Variants in PDE10A observed in about 807,000 individuals in gnomAD.
PDE10A encodes the protein phosphodiesterase 10A, also known as cAMP and cAMP-inhibited cGMP 3',5'-cyclic phosphodiesterase 10A.
In PDE10A, 39 loss-of-function variants were observed where a neutral mutation model predicts 97.7. The observed-to-expected ratio is 0.40, with a 90% confidence interval of 0.31 to 0.52. PDE10A has a LOEUF of 0.52. Ranked by LOEUF, PDE10A falls within the 20% of genes least tolerant of loss-of-function variation. PDE10A has a pLI of 0.56. For missense variants in PDE10A, 731 were observed against 1,047.8 expected (o/e 0.70, Z 4.17); for synonymous variants, 371 against 376.8 (o/e 0.98, Z 0.18).
At chr6:165,768,526 T>G (rs1777923819) in intron 1 of PDE10A, among the ~76,000 whole-genome samples, 1 of 152,204 alleles carries the variant, frequency 6.6e-6, no homozygotes, top group Non-Finnish European at 1.5e-5. Flanking sequence ...TTCGCATTTA[T>G]AGGGAAATCA....
At chr6:165,884,193 T>C (rs763653969) in intron 1 of PDE10A, among the ~76,000 whole-genome samples, 5 of 152,146 alleles carry the variant, frequency 3.3e-5, no homozygotes, top group Non-Finnish European at 5.9e-5. Flanking sequence ...AATTGTGCTT[T>C]GGGGCACACG....
chr6:165,648,813 A>G (rs1789535870), intron 1 of PDE10A, among the ~76,000 whole-genome samples: 1 of 152,248 alleles, frequency 6.6e-6, no homozygotes, highest in African/African-American at 2.4e-5. Context: ...AAATTAAACT[A>G]GGGCAGTAAT....
At chr6:165,882,147 T>G (rs1466689934) in intron 1 of PDE10A, among the ~76,000 whole-genome samples, 1 of 152,196 alleles carries the variant, frequency 6.6e-6, no homozygotes, top group Non-Finnish European at 1.5e-5. Flanking sequence ...GCAGATTGAT[T>G]TCCACTCCAT....
Position 165,653,112 on chromosome 6 carries a change from A to C in PDE10A, c.865+8835T>G, listed in dbSNP as rs535504394. 5.3e-5 allele frequency among the ~76,000 whole-genome samples: 8 copies of C among 152,360 alleles called. No homozygotes were observed. The East Asian group carries it at 1.2e-3, about 22-fold the overall frequency. On this transcript the variant is annotated intron_variant, in intron 1 of 21. Coordinates refer to ENST00000539869, the MANE Select transcript of PDE10A (RefSeq NM_001385079.1). ...TCAAGTCATGCCAGTGAAATTTTAC[A>C]ATCACATTATGTATTTCATTATTTC...
intron 1 of PDE10A, among the ~76,000 whole-genome samples, chr6:165,973,874 C>T (rs988536779): frequency 1.3e-5 from 2 of 152,192 alleles, no homozygotes; most frequent in African/African-American, 4.8e-5. Context: ...TTTCTTTCTT[C>T]AATAACATGC....
chr6:165,824,254 A>G (rs1779661036), intron 1 of PDE10A, among the ~76,000 whole-genome samples: 1 of 152,226 alleles, frequency 6.6e-6, no homozygotes, highest in Non-Finnish European at 1.5e-5. Flanking sequence ...ACTTCTTAAT[A>G]GCCGTTCAGT....
At chr6:165,727,579 C>G (rs1243544456) in intron 1 of PDE10A, among the ~76,000 whole-genome samples, 1 of 152,212 alleles carries the variant, frequency 6.6e-6, no homozygotes, top group Non-Finnish European at 1.5e-5. Flanking sequence ...ACCAGCTCAC[C>G]AGTTCCTTCC....
In PDE10A at chr6:165,782,901, G is replaced by C. The variant is rs143177750; in HGVS notation, c.-615+204628C>G. On this transcript the variant is annotated intron_variant, in intron 1 of 19. Transcript: ENST00000366882. ...TGTGTGATTTTTTAAATGCTGCTGC[G>C]TATGAAGGAAAGAAGAAAAGCCACC... 2.0e-5 allele frequency among the ~76,000 whole-genome samples: 3 copies of C among 152,264 alleles called. No individual in the cohort carries two copies. The East Asian group carries it at 5.8e-4, about 29-fold the overall frequency.
intron 1 of PDE10A, among the ~76,000 whole-genome samples, chr6:165,967,748 C>A (rs368612433): frequency 1.6e-4 from 24 of 152,218 alleles, no homozygotes; most frequent in Admixed American, 1.4e-3. Flanking sequence ...TTTGAGATAG[C>A]CCTGTGATTG....
chr6:165,374,177 A>G (rs946112397), intron 18 of PDE10A, among the ~76,000 whole-genome samples: 27 of 151,502 alleles, frequency 1.8e-4, no homozygotes, highest in African/African-American at 6.1e-4. Flanking sequence ...ACATGTATAC[A>G]TATGTAACTA....
intron 2 of PDE10A, among the ~76,000 whole-genome samples, chr6:165,509,526 G>A (rs1217505657): frequency 1.3e-5 from 2 of 151,620 alleles, no homozygotes; most frequent in Non-Finnish European, 2.9e-5. Context: ...GATGCCTCCG[G>A]TGTTGTTCCT....
chr6:165,919,366 C>A (rs1294732388), intron 1 of PDE10A, among the ~76,000 whole-genome samples: 1 of 152,190 alleles, frequency 6.6e-6, no homozygotes, highest in Non-Finnish European at 1.5e-5. Flanking sequence ...CATGGCTGAG[C>A]TGCCCCAGGC....
In PDE10A at chr6:165,661,571, G is replaced by A. The variant is rs368230491; in HGVS notation, c.865+376C>T. On this transcript the variant is annotated intron_variant, in intron 1 of 21. Transcript: ENST00000539869. The surrounding 1 kb of genome is among the most constrained non-coding windows in gnomAD (Gnocchi z 4.8). The stretch of plus-strand genomic sequence containing the variant: ...AGCCAAGTGGCCACAGGCTCAAGAG[G>A]GAGGAACCTAAGTGGTCACAAAGTT... The A allele has an allele frequency of 9.2e-5, 18 of 194,786 alleles. No individual in the cohort carries two copies. Among genetic ancestry groups the A allele is most frequent in the South Asian group, 2.6e-4 (2 of 7,624 alleles). The allele number at this position is 194,786 out of a possible 1,614,324, so 12.1% of individuals were successfully genotyped here.
intron 1 of PDE10A, among the ~76,000 whole-genome samples, chr6:165,926,979 A>T (rs533199914): frequency 6.6e-6 from 1 of 151,750 alleles, no homozygotes; most frequent in East Asian, 1.9e-4. Context: ...GTTAAGATTC[A>T]TTAAAAAGCA....
intron 5 of PDE10A, among the ~76,000 whole-genome samples, chr6:165,447,701 G>A (rs1009324739): frequency 6.6e-6 from 1 of 152,148 alleles, no homozygotes; most frequent in Non-Finnish European, 1.5e-5. Flanking sequence ...AATACTACCA[G>A]TGTCTGAAAT....
chr6:165,505,202 T>C (rs1430057830), intron 2 of PDE10A, among the ~76,000 whole-genome samples: 1 of 152,210 alleles, frequency 6.6e-6, no homozygotes, highest in African/African-American at 2.4e-5. Flanking sequence ...CAAATACAAG[T>C]GTTTTATTAG....
intron 1 of PDE10A, among the ~76,000 whole-genome samples, chr6:165,722,837 C>A (rs1490270492): frequency 2.0e-5 from 3 of 151,912 alleles, no homozygotes; most frequent in Non-Finnish European, 4.4e-5. Context: ...TGAGATCCTA[C>A]TGATCTTATA....
At chr6:165,815,967 TG>T (rs1180674904) in intron 1 of PDE10A, among the ~76,000 whole-genome samples, 1 of 150,128 alleles carries the variant, frequency 6.7e-6, no homozygotes, top group Non-Finnish European at 1.5e-5. Flanking sequence ...TTTTTTTTTT[TG>T]AAATGGAGTC....
In PDE10A at chr6:165,796,091, C is replaced by CTTTTT. The variant is rs1168771487; in HGVS notation, c.-615+191433_-615+191437dup. Among the ~76,000 whole-genome samples the CTTTTT allele has an allele frequency of 1.8e-3, 200 of 108,792 alleles. 1 individual carries two copies. Among genetic ancestry groups the CTTTTT allele is most frequent in the African/African-American group, 3.6e-3 (101 of 27,936 alleles). The allele number at this position is 108,792 out of a possible 152,430, so 71.4% of individuals were successfully genotyped here. A position where few individuals can be genotyped will look rare whatever the true frequency, so the allele number is the denominator to read the frequency against. On this transcript the variant is annotated intron_variant, in intron 1 of 19. Transcript: ENST00000366882. ...GCACGTCTTTTCTTTTTTTTCTTTT[C>CTTTTT]TTTTTTTTTTTTTTTTTTTTTTGAG...
Sources: allele counts gnomAD v4.1 joint callset (sites outside exome capture counted in the v4.1 genomes callset), GRCh38; gene constraint gnomAD v4.1.1; non-coding constraint Gnocchi (gnomAD v3.1); transcripts MANE v1.5; gene names NCBI Gene and HGNC (gene_info 2026-07-23, HGNC 2026-07-21).